The following HPSE2 variants were observed in gnomAD, a reference collection of about 807,000 sequenced individuals.
The protein encoded by HPSE2 is inactive heparanase-2.
Under a neutral mutation model 60.5 loss-of-function variants are expected in HPSE2, and 38 were observed. The observed-to-expected ratio is 0.63, with a 90% CI of 0.48 to 0.82. The LOEUF is 0.82. Ranked by LOEUF, HPSE2 falls within the 40% of genes least tolerant of loss-of-function variation. The probability of loss-of-function intolerance (pLI) is 0.00; values close to 1 mark genes in which losing one functional copy is unlikely to be tolerated. For synonymous variants in HPSE2, 295 were observed against 293.2 expected (o/e 1.01, Z -0.06); for missense variants, 713 against 740.4 (o/e 0.96, Z 0.43).
At chr10:99,239,440 T>TTTG (rs1432970766), upstream of HPSE2, among the ~76,000 whole-genome samples, 19 of 140,368 alleles carry the variant, frequency 1.4e-4, no homozygotes, top group Admixed American at 4.2e-4. Context: ...TTTTTTTTTT[T>TTTG]TTTTTTTGAG....
At chr10:98,598,315 G>T (rs1266177821) in intron 9 of HPSE2, among the ~76,000 whole-genome samples, 1 of 150,400 alleles carries the variant, frequency 6.6e-6, no homozygotes, top group East Asian at 2.0e-4. Context: ...GGCTGACCTG[G>T]TGCCTGGGTC....
At chr10:98,622,510 C>CA (rs1266305735) in intron 7 of HPSE2, among the ~76,000 whole-genome samples, 20 of 152,308 alleles carry the variant, frequency 1.3e-4, no homozygotes, top group Middle Eastern at 3.4e-3. Context: ...ACATAGACAT[C>CA]AACAATCAAT....
At chr10:99,083,707 T>A (rs1193754963) in intron 3 of HPSE2, among the ~76,000 whole-genome samples, 2 of 152,200 alleles carry the variant, frequency 1.3e-5, no homozygotes, top group African/African-American at 4.8e-5. Flanking sequence ...AAGTTCTCTA[T>A]CCCTTCTCAA....
intron 3 of HPSE2, among the ~76,000 whole-genome samples, chr10:98,756,862 A>C (rs1949889820): frequency 6.6e-6 from 1 of 152,148 alleles, no homozygotes. Context: ...AACCTGGCAG[A>C]GGAAGGAAAC....
the HPSE2 span, among the ~76,000 whole-genome samples, chr10:99,245,245 C>G: frequency 2.0e-5 from 3 of 152,114 alleles, no homozygotes; most frequent in Non-Finnish European, 4.4e-5. Context: ...ATCTGAGGAG[C>G]TTTTTAATAA....
rs1377666494 is a variant in HPSE2 at position 98,929,251 on chromosome 10, A to G, written c.611-185195T>C. Reference sequence around the variant, plus strand: ...AAAGAACAAAGAAATTGGAAGCTTCAGCATCAGTGGACACTGCAGATCCTA... The same window carrying G: ...AAAGAACAAAGAAATTGGAAGCTTCGGCATCAGTGGACACTGCAGATCCTA... On this transcript the variant is annotated intron_variant, in intron 3 of 11. Transcript: ENST00000370552. Among the ~76,000 whole-genome samples, 15 of 143,632 alleles carry G rather than the reference A, an allele frequency of 1.0e-4. 1 individual carries two copies. The highest frequency in any genetic ancestry group is 9.7e-4 in the Admixed American group (14 of 14,440). 94.2% of individuals were successfully genotyped at this position (143,632 alleles called of 152,430 possible). A position where few individuals can be genotyped will look rare whatever the true frequency, so the allele number is the denominator to read the frequency against.
At chr10:99,237,252 C>T (rs1022671025), upstream of HPSE2, among the ~76,000 whole-genome samples, 1 of 152,100 alleles carries the variant, frequency 6.6e-6, no homozygotes, top group Non-Finnish European at 1.5e-5. Context: ...TTATGTAGTG[C>T]GGGCAGTCAG....
At chr10:98,538,636 C>T (rs1297244881) in intron 9 of HPSE2, among the ~76,000 whole-genome samples, 1 of 152,104 alleles carries the variant, frequency 6.6e-6, no homozygotes. Context: ...TCCCTGCCAA[C>T]TCTGCTTTTG....
chr10:99,262,400 A>C, the HPSE2 span, among the ~76,000 whole-genome samples: 2 of 152,114 alleles, frequency 1.3e-5, no homozygotes, highest in African/African-American at 4.8e-5. Flanking sequence ...CCTGGACTAC[A>C]GCCACACCTC....
At chr10:98,667,460 GC>G (rs1303038759) in intron 6 of HPSE2, among the ~76,000 whole-genome samples, 2 of 151,998 alleles carry the variant, frequency 1.3e-5, no homozygotes, top group African/African-American at 4.8e-5. Flanking sequence ...CCAAAATCTG[GC>G]AGAGACACAA....
chr10:99,136,883 C>G lies in HPSE2; in HGVS notation c.610+7355G>C, dbSNP rs537549765. ...CCTACTCAACATACTATTGGAAGTT[C>G]TGGCTAGGACAATCAGGCAAAAGAA... On this transcript the variant is annotated intron_variant, in intron 3 of 11. Coordinates refer to ENST00000370552, the MANE Select transcript of HPSE2 (RefSeq NM_021828.5). Among the ~76,000 whole-genome samples, 29 of 152,282 alleles carry G rather than the reference C, an allele frequency of 1.9e-4. No individual in the cohort carries two copies. In the South Asian group the frequency reaches 5.8e-3, roughly 31 times the overall value.
chr10:98,593,424 G>A lies in HPSE2; in HGVS notation c.1320+21480C>T, dbSNP rs143435004. Reference sequence around the variant, plus strand: ...CATGCTTAGGAGTCTGGGGCATTATGTAGGCAAAGGGGATCCAACGAAGGT... The same window carrying A: ...CATGCTTAGGAGTCTGGGGCATTATATAGGCAAAGGGGATCCAACGAAGGT... On this transcript the variant is annotated intron_variant, in intron 9 of 11. Transcript: ENST00000370552. 2.8e-3 allele frequency among the ~76,000 whole-genome samples: 425 copies of A among 151,832 alleles called. 1 individual carries two copies. Among genetic ancestry groups the A allele is most frequent in the African/African-American group, 9.9e-3 (409 of 41,220 alleles).
chr10:98,746,368 G>T (rs1463599153), intron 3 of HPSE2, among the ~76,000 whole-genome samples: 1 of 151,484 alleles, frequency 6.6e-6, no homozygotes, highest in African/African-American at 2.4e-5. Context: ...TGTATCATAG[G>T]CTATAATTTT....
At chr10:98,576,725 C>T (rs4919243) in intron 9 of HPSE2, among the ~76,000 whole-genome samples, 1 of 151,600 alleles carries the variant, frequency 6.6e-6, no homozygotes. Context: ...CTCCCCTCCT[C>T]CATCCTGTCC....
chr10:98,837,879 A>AT (rs1951827761), intron 3 of HPSE2, among the ~76,000 whole-genome samples: 1 of 152,016 alleles, frequency 6.6e-6, no homozygotes, highest in Admixed American at 6.6e-5. Flanking sequence ...ATCTCAAAAA[A>AT]AAAAAAAGAA....
intron 3 of HPSE2, among the ~76,000 whole-genome samples, chr10:99,134,618 C>T (rs996674895): frequency 6.6e-6 from 1 of 152,142 alleles, no homozygotes; most frequent in Non-Finnish European, 1.5e-5. Flanking sequence ...ACCAACCAAA[C>T]TAAGTTTCAT....
chr10:98,746,299 A>T (rs1439595837), intron 3 of HPSE2, among the ~76,000 whole-genome samples: 1 of 141,842 alleles, frequency 7.1e-6, no homozygotes, highest in Non-Finnish European at 1.6e-5. Flanking sequence ...TAATAATTTT[A>T]TAATTATCTA....
chr10:99,007,637 T>C (rs1041991442), intron 3 of HPSE2, among the ~76,000 whole-genome samples: 6 of 152,148 alleles, frequency 3.9e-5, no homozygotes, highest in African/African-American at 1.4e-4. Flanking sequence ...AAAATATATA[T>C]AAATAAGAGA....
At chr10:98,472,682 A>G (rs1940828167) in intron 11 of HPSE2, among the ~76,000 whole-genome samples, 3 of 152,358 alleles carry the variant, frequency 2.0e-5, no homozygotes, top group African/African-American at 7.2e-5. Context: ...CAAGTGAAAC[A>G]AAAAAGAATC....
Sources: allele counts gnomAD v4.1 joint callset (sites outside exome capture counted in the v4.1 genomes callset), GRCh38; gene constraint gnomAD v4.1.1; transcripts MANE v1.5; gene names NCBI Gene and HGNC (gene_info 2026-07-23, HGNC 2026-07-21).